Variants in COMT observed in about 807,000 individuals in gnomAD.
COMT encodes catechol O-methyltransferase.
In COMT, 13 loss-of-function variants were observed where a neutral mutation model predicts 18.9. The ratio of observed to expected loss-of-function variants is 0.69; its 90% CI spans 0.45 to 1.09. The LOEUF (loss-of-function observed/expected upper bound fraction) is 1.09. Among genes scored for constraint, COMT ranks in the 50% least tolerant of loss-of-function variants. COMT has a pLI of 0.00. For synonymous variants in COMT, 150 were observed against 160.9 expected (o/e 0.93, Z 0.51); for missense variants, 329 against 361.8 (o/e 0.91, Z 0.73).
At chr22:19,947,908 A>C (rs985212985) in intron 1 of COMT, among the ~76,000 whole-genome samples, 2 of 151,706 alleles carry the variant, frequency 1.3e-5, no homozygotes, top group Non-Finnish European at 2.9e-5. Context: ...CCAGGCGCTG[A>C]CGTTACCACT....
intron 5 of COMT, among the ~76,000 whole-genome samples, chr22:19,966,502 G>GACAT (rs1205323507): frequency 6.6e-6 from 1 of 150,734 alleles, no homozygotes; most frequent in Non-Finnish European, 1.5e-5. Flanking sequence ...GTGCAGTGAT[G>GACAT]ACATCATAGC....
intron 1 of COMT, among the ~76,000 whole-genome samples, chr22:19,942,363 C>T (rs1941750661): frequency 6.6e-6 from 1 of 152,012 alleles, no homozygotes; most frequent in South Asian, 2.1e-4. Flanking sequence ...TCTGTGGAGC[C>T]CCAGACTCAG....
intron 5 of COMT, chr22:19,967,044 G>A: frequency 8.3e-7 from 1 of 1,208,948 alleles, no homozygotes; most frequent in Non-Finnish European, 1.1e-6. Flanking sequence ...AGGCAGGACA[G>A]GTGCTGCCTT....
chr22:19,951,395 CCTCAGAGCCTTA>C (rs1941935691), intron 1 of COMT: 1 of 150,872 alleles, frequency 6.6e-6, no homozygotes, highest in Non-Finnish European at 1.5e-5. Flanking sequence ...ACTCTTAGCG[CCTCAGAGCCTTA>C]CTCAGAATCA....
At chr22:19,960,548 G>A (rs192451910) in intron 1 of COMT, among the ~76,000 whole-genome samples, 10 of 152,256 alleles carry the variant, frequency 6.6e-5, no homozygotes, top group East Asian at 3.9e-4. Context: ...GTCATGGCAC[G>A]TCCTGCCCCG....
chr22:19,952,659 CA>C (rs1283213938), intron 1 of COMT, among the ~76,000 whole-genome samples: 15 of 136,502 alleles, frequency 1.1e-4, no homozygotes, highest in East Asian at 6.5e-4. Flanking sequence ...AAAACAACAA[CA>C]AAAAAAAAAC....
At chr22:19,954,545 C>T (rs182624526) in intron 1 of COMT, among the ~76,000 whole-genome samples, 5 of 152,280 alleles carry the variant, frequency 3.3e-5, no homozygotes, top group Admixed American at 6.5e-5. Context: ...CTCCACCTCC[C>T]GAGTTCTAGC....
At chr22:19,952,119 G>A (rs1044716690) in intron 1 of COMT, among the ~76,000 whole-genome samples, 1 of 152,112 alleles carries the variant, frequency 6.6e-6, no homozygotes, top group Non-Finnish European at 1.5e-5. Context: ...GGGCAACATA[G>A]CAAGACGCTG....
chr22:19,943,499 C>T (rs1186744658), intron 1 of COMT, among the ~76,000 whole-genome samples: 1 of 151,800 alleles, frequency 6.6e-6, no homozygotes, highest in Non-Finnish European at 1.5e-5. Context: ...AAAATTAGCC[C>T]GGCGTGGTGG....
Position 19,969,767 on chromosome 22 carries a change from C to T in COMT, c.*1031C>T. 1.1e-6 allele frequency: 1 copy of T among 898,670 alleles called. No individual in the cohort carries two copies. Among genetic ancestry groups the T allele is most frequent in the South Asian group, 5.1e-5 (1 of 19,544 alleles). 55.7% of individuals were successfully genotyped at this position (898,670 alleles called of 1,614,324 possible). The stretch of plus-strand genomic sequence containing the variant: ...GCCACCCAGGGACCAGAAACAGAGC[C>T]TCTGCAGGACACAGCAGATGGGCAC... On this transcript the variant is annotated 3_prime_UTR_variant, in exon 6 of 6. Transcript: ENST00000361682.
At chr22:19,943,550 A>T (rs2146124419) in intron 1 of COMT, among the ~76,000 whole-genome samples, 1 of 152,124 alleles carries the variant, frequency 6.6e-6, no homozygotes, top group Non-Finnish European at 1.5e-5. Context: ...GCTGAGGTGA[A>T]AAGATCGTTT....
chr22:19,955,417 C>T (rs924316757), intron 1 of COMT, among the ~76,000 whole-genome samples: 5 of 152,342 alleles, frequency 3.3e-5, no homozygotes, highest in Admixed American at 1.3e-4. Flanking sequence ...ATTACTGGAT[C>T]GCAGTCGAAT....
chr22:19,948,846 T>C (rs1336334840), intron 1 of COMT, among the ~76,000 whole-genome samples: 1 of 150,362 alleles, frequency 6.7e-6, no homozygotes, highest in Non-Finnish European at 1.5e-5. Context: ...TCCCAGCTAC[T>C]TGGGAGGCTG....
chr22:19,966,745 T>A (rs1942419401), intron 5 of COMT, among the ~76,000 whole-genome samples: 1 of 150,420 alleles, frequency 6.6e-6, no homozygotes, highest in African/African-American at 2.5e-5. Flanking sequence ...AGGCTCCAAC[T>A]TTTTGTTGTT....
chr22:19,956,219 A>G (rs1942058649), intron 1 of COMT, among the ~76,000 whole-genome samples: 1 of 117,774 alleles, frequency 8.5e-6, no homozygotes, highest in African/African-American at 3.4e-5. Context: ...ATCTCAGCTC[A>G]CTGCAACCGC....
At chr22:19,963,106 G>C (rs768371159) in intron 3 of COMT, among the ~76,000 whole-genome samples, 9 of 152,132 alleles carry the variant, frequency 5.9e-5, no homozygotes, top group Non-Finnish European at 1.2e-4. Flanking sequence ...GACCTGCCTG[G>C]GGACCAGTCA....
intron 1 of COMT, among the ~76,000 whole-genome samples, chr22:19,942,490 C>CG (rs1243098512): frequency 5.3e-5 from 8 of 152,018 alleles, no homozygotes; most frequent in Admixed American, 3.3e-4. Flanking sequence ...TCCCCAGGGT[C>CG]GGGGGGATGT....
At chr22:19,945,569 G>A (rs1203787859) in intron 1 of COMT, among the ~76,000 whole-genome samples, 1 of 142,474 alleles carries the variant, frequency 7.0e-6, no homozygotes, top group Non-Finnish European at 1.6e-5. Flanking sequence ...GGGTCAGGCC[G>A]GAAGAAAAAG....
intron 1 of COMT, among the ~76,000 whole-genome samples, chr22:19,957,190 T>G (rs936039322): frequency 2.0e-5 from 3 of 152,156 alleles, no homozygotes; most frequent in Non-Finnish European, 4.4e-5. Flanking sequence ...GACCTCGTGA[T>G]CTGCCCGCCC....
Sources: allele counts gnomAD v4.1 joint callset (sites outside exome capture counted in the v4.1 genomes callset), GRCh38; gene constraint gnomAD v4.1.1; transcripts MANE v1.5; gene names NCBI Gene and HGNC (gene_info 2026-07-23, HGNC 2026-07-21).